UTRN: variants seen among roughly 807,000 people sequenced by gnomAD.
The protein encoded by UTRN is utrophin.
A neutral mutation model predicts 463.9 loss-of-function variants in UTRN; 283 were observed. The ratio of observed to expected loss-of-function variants is 0.61; its 90% CI spans 0.55 to 0.67. The LOEUF (loss-of-function observed/expected upper bound fraction) is 0.67. Ranked by LOEUF, UTRN falls within the 30% of genes least tolerant of loss-of-function variation. UTRN has a pLI of 0.00. For missense variants in UTRN, 3,922 were observed against 4,084.3 expected, an observed-to-expected ratio of 0.96 and a Z score of 1.08; for synonymous variants, 1,442 against 1,431.5, an observed-to-expected ratio of 1.01 and a Z score of -0.17.
chr6:144,520,776 A>G (rs1316927837), intron 39 of UTRN, among the ~76,000 whole-genome samples: 2 of 152,234 alleles, frequency 1.3e-5, no homozygotes, highest in Admixed American at 6.5e-5. Flanking sequence ...TTTACCTATC[A>G]TCTTGAATTT....
chr6:144,732,243 TATATATATATATATAC>T (rs1562832495), intron 54 of UTRN, among the ~76,000 whole-genome samples: 177 of 100,968 alleles, frequency 1.8e-3, no homozygotes, highest in African/African-American at 9.5e-3. Context: ...TATATACATA[TATATATATATATATAC>T]ACACATATAT....
At chr6:144,736,727 G>T (rs1789446071) in intron 54 of UTRN, among the ~76,000 whole-genome samples, 1 of 152,138 alleles carries the variant, frequency 6.6e-6, no homozygotes, top group Non-Finnish European at 1.5e-5. Context: ...CCTCCACCTG[G>T]CACAGAAGGC....
chr6:144,650,633 G>A lies in UTRN; in HGVS notation c.7480-27773G>A, dbSNP rs540445684. On this transcript the variant is annotated intron_variant, in intron 51 of 74. Transcript: ENST00000367545. Reference sequence around the variant, plus strand: ...TTTTAATAATTACTGGTCATAGGCCGGGCGCCGTGGCTCACGCCTGTAACC... The same window carrying A: ...TTTTAATAATTACTGGTCATAGGCCAGGCGCCGTGGCTCACGCCTGTAACC... Among the ~76,000 whole-genome samples the A allele has an allele frequency of 8.5e-5, 13 of 152,224 alleles. No individual in the cohort carries two copies. The South Asian group carries it at 2.1e-3, about 24-fold the overall frequency.
chr6:144,632,121 A>G (rs1171511593), intron 51 of UTRN, among the ~76,000 whole-genome samples: 3 of 152,214 alleles, frequency 2.0e-5, no homozygotes, highest in Non-Finnish European at 1.5e-5. Flanking sequence ...GAGGGAACCA[A>G]AGTTGTACTG....
chr6:144,498,355 A>G (rs1445240636), intron 33 of UTRN, among the ~76,000 whole-genome samples: 1 of 152,258 alleles, frequency 6.6e-6, no homozygotes, highest in Non-Finnish European at 1.5e-5. Flanking sequence ...CGGAAGCTGT[A>G]TTAAGAGCTT....
At chr6:144,464,832 G>C (rs1335759769) in intron 23 of UTRN, among the ~76,000 whole-genome samples, 2 of 152,144 alleles carry the variant, frequency 1.3e-5, no homozygotes, top group Admixed American at 6.6e-5. Context: ...ACTTCTCGTT[G>C]TGTATTATGA....
intron 42 of UTRN, among the ~76,000 whole-genome samples, chr6:144,532,134 C>T (rs1278712901): frequency 6.6e-6 from 1 of 150,984 alleles, no homozygotes; most frequent in African/African-American, 2.4e-5. Context: ...AATACTGTGT[C>T]AATAAATAAA....
intron 51 of UTRN, among the ~76,000 whole-genome samples, chr6:144,653,494 G>A (rs1047562558): frequency 6.6e-6 from 1 of 151,922 alleles, no homozygotes; most frequent in Non-Finnish European, 1.5e-5. Flanking sequence ...GCTGAGGCAG[G>A]AGAATGGTGT....
intron 65 of UTRN, among the ~76,000 whole-genome samples, chr6:144,809,492 C>T (rs923988436): frequency 1.1e-4 from 16 of 151,932 alleles, no homozygotes; most frequent in Non-Finnish European, 1.6e-4. Context: ...AAGGGCTAGA[C>T]GTCAAGATGA....
At chr6:144,347,908 G>A (rs1777745553) in intron 2 of UTRN, among the ~76,000 whole-genome samples, 1 of 147,578 alleles carries the variant, frequency 6.8e-6, no homozygotes, top group Admixed American at 6.7e-5. Flanking sequence ...CAGTGACACA[G>A]TCTTAGCTCA....
chr6:144,326,544 T>C (rs1177297458), intron 2 of UTRN, among the ~76,000 whole-genome samples: 2 of 152,198 alleles, frequency 1.3e-5, no homozygotes, highest in Non-Finnish European at 2.9e-5. Context: ...GGGAGTGTTT[T>C]CTCTGAGACA....
intron 51 of UTRN, among the ~76,000 whole-genome samples, chr6:144,581,591 A>G (rs1801970744): frequency 6.6e-6 from 1 of 152,234 alleles, no homozygotes; most frequent in Admixed American, 6.5e-5. Flanking sequence ...CTGCATGCTT[A>G]GCACTGTGTT....
At chr6:144,593,494 C>T (rs534392500) in intron 51 of UTRN, among the ~76,000 whole-genome samples, 4 of 152,250 alleles carry the variant, frequency 2.6e-5, no homozygotes, top group Non-Finnish European at 4.4e-5. Flanking sequence ...AAGCTTTGGC[C>T]TGCAACCAAT....
At chr6:144,693,457 A>T (rs1160209036) in intron 52 of UTRN, among the ~76,000 whole-genome samples, 1 of 152,188 alleles carries the variant, frequency 6.6e-6, no homozygotes, top group Non-Finnish European at 1.5e-5. Flanking sequence ...TAGGAATAGC[A>T]TTGAATTTAT....
intron 50 of UTRN, among the ~76,000 whole-genome samples, chr6:144,573,339 G>T (rs1159513127): frequency 6.6e-6 from 1 of 151,594 alleles, no homozygotes; most frequent in Non-Finnish European, 1.5e-5. Context: ...ATCACTTGAA[G>T]TTGGGAGTTC....
intron 28 of UTRN, among the ~76,000 whole-genome samples, chr6:144,487,200 G>A (rs569118312): frequency 2.0e-5 from 3 of 151,592 alleles, no homozygotes; most frequent in East Asian, 3.9e-4. Context: ...ACATAGTCTC[G>A]CTCTGTTGCC....
At position 144,488,678 on chromosome 6, in the gene UTRN, G is replaced by C. The variant is rs751733620; in HGVS notation, c.3978G>C (p.Glu1326Asp). The change falls in exon 30 of 75, where the codon GAG (glutamate) becomes GAC (aspartate). Residue 1326 changes from glutamate (E) to aspartate (D), a missense_variant. By Grantham distance (45) the Glu-to-Asp change is conservative (BLOSUM62 2). Coordinates refer to ENST00000367545, the MANE Select transcript of UTRN (RefSeq NM_007124.3). ...TCAATTTCTCCTTTGTGCAGGCAGA[G>C]AGCAAGCAGATTTCTTTGGAAAAGC... Reference protein sequence around the residue: ...SRYEDLSHLAESKQISLEKQL... With the variant: ...SRYEDLSHLADSKQISLEKQL... 19 of 1,612,428 alleles carry C rather than the reference G, an allele frequency of 1.2e-5. No individual in the cohort carries two copies. The South Asian group carries it at 2.1e-4, about 18-fold the overall frequency.
chr6:144,406,193 A>C (rs1783378750), intron 3 of UTRN, among the ~76,000 whole-genome samples: 1 of 152,162 alleles, frequency 6.6e-6, no homozygotes, highest in East Asian at 1.9e-4. Context: ...TAATGAGTTA[A>C]ATAAATCTTT....
At chr6:144,790,932 A>G (rs1307430097) in intron 62 of UTRN, among the ~76,000 whole-genome samples, 3 of 152,230 alleles carry the variant, frequency 2.0e-5, no homozygotes, top group Admixed American at 6.5e-5. Flanking sequence ...ATAATTCAAC[A>G]TTAACTTTCA....
Sources: gnomAD v4.1 joint callset for allele counts (sites outside exome capture counted in the v4.1 genomes callset) on GRCh38, gnomAD v4.1.1 for gene constraint, MANE v1.5 for transcripts, NCBI Gene and HGNC (gene_info 2026-07-23, HGNC 2026-07-21) for gene names.